TOGARAM2: variants seen among roughly 807,000 people sequenced by gnomAD.
The protein encoded by TOGARAM2 is TOG array regulator of axonemal microtubules protein 2.
TOGARAM2 carries 85 observed loss-of-function variants against 93.3 expected under a neutral mutation model. That is an observed-to-expected ratio of 0.91 (90% CI 0.76 to 1.09). The LOEUF (loss-of-function observed/expected upper bound fraction) is 1.09, where lower values mean the gene tolerates loss of function less well. TOGARAM2 is among the 50% of genes least tolerant of loss of function. TOGARAM2 has a pLI of 0.00. For synonymous variants in TOGARAM2, 593 were observed against 552.8 expected (o/e 1.07, Z -1.02); for missense variants, 1,277 against 1,334.5 (o/e 0.96, Z 0.67).
chr2:28,967,614 G>T (rs1671885230), intron 1 of TOGARAM2, among the ~76,000 whole-genome samples: 2 of 152,130 alleles, frequency 1.3e-5, no homozygotes, highest in Non-Finnish European at 2.9e-5. Context: ...GACCTAGCGT[G>T]ACTTTTCCTA....
intron 2 of TOGARAM2, 123 bp from the exon 3 acceptor site, chr2:28,998,020 G>T (rs143100162): frequency 0.012 from 7,269 of 609,918 alleles, 124 homozygotes; most frequent in Non-Finnish European, 9.5e-3. Context: ...ACATGCCTTG[G>T]TTTTTTGGGC....
intron 18 of TOGARAM2, among the ~76,000 whole-genome samples, chr2:29,038,364 G>A (rs943756584): frequency 2.6e-5 from 4 of 152,192 alleles, no homozygotes; most frequent in Admixed American, 2.0e-4. Context: ...ATAGGTCAGG[G>A]CTTAGGCTGG....
At chr2:29,022,417 C>A in intron 11 of TOGARAM2, 109 bp downstream of exon 11, 1 of 1,467,328 alleles carries the variant, frequency 6.8e-7, no homozygotes, top group Non-Finnish European at 9.2e-7. Flanking sequence ...GGTTCCAGCA[C>A]CATGGAGCAT....
At chr2:28,972,246 G>A (rs1671959812) in intron 1 of TOGARAM2, among the ~76,000 whole-genome samples, 2 of 152,064 alleles carry the variant, frequency 1.3e-5, no homozygotes. Flanking sequence ...GTGCCAGCAC[G>A]CGTGGCTAAT....
chr2:28,977,096 T>C (rs1672050252), upstream of TOGARAM2, among the ~76,000 whole-genome samples: 1 of 152,196 alleles, frequency 6.6e-6, no homozygotes, highest in South Asian at 2.1e-4. Context: ...ACACAGGGCA[T>C]CAGGGCTCTA....
At chr2:28,970,100 C>G (rs368193148) in intron 1 of TOGARAM2, among the ~76,000 whole-genome samples, 93 of 151,722 alleles carry the variant, frequency 6.1e-4, no homozygotes, top group Admixed American at 3.3e-4. Flanking sequence ...CATGAGCCAC[C>G]GTGCCCGACA....
At chr2:29,046,173 T>C (rs1666728750) in intron 19 of TOGARAM2, 1 of 152,422 alleles carries the variant, frequency 6.6e-6, no homozygotes, top group Non-Finnish European at 1.5e-5. Flanking sequence ...AAGCTTCAGC[T>C]GGTGAAGGGT....
chr2:29,049,151 C>G (rs1666932501), intron 19 of TOGARAM2: 1 of 151,788 alleles, frequency 6.6e-6, no homozygotes, highest in Admixed American at 6.6e-5. Flanking sequence ...AGGCGTGAGC[C>G]ACTGCGCCTG....
chr2:29,014,031 G>T (rs1664406444), intron 7 of TOGARAM2, among the ~76,000 whole-genome samples: 1 of 152,122 alleles, frequency 6.6e-6, no homozygotes, highest in Admixed American at 6.5e-5. Context: ...GGCCCATTTT[G>T]CTTTTTCTTT....
At chr2:28,989,594 T>C (rs1672622352) in intron 1 of TOGARAM2, among the ~76,000 whole-genome samples, 1 of 151,680 alleles carries the variant, frequency 6.6e-6, no homozygotes, top group Admixed American at 6.6e-5. Context: ...GATGAGGTTT[T>C]ACTGTGTTGC....
intron 1 of TOGARAM2, among the ~76,000 whole-genome samples, chr2:28,987,330 C>G (rs189851642): frequency 6.6e-5 from 10 of 152,240 alleles, no homozygotes; most frequent in African/African-American, 2.4e-4. Context: ...TGCTTTGTCA[C>G]CTAGGCTGGA....
intron 6 of TOGARAM2, among the ~76,000 whole-genome samples, chr2:29,005,500 C>A (rs1171710778): frequency 1.3e-5 from 1 of 75,964 alleles, no homozygotes; most frequent in Non-Finnish European, 2.9e-5. Context: ...TGTGTGAGTG[C>A]ATGTGTTTGT....
chr2:28,984,837 A>G (rs1025677226), intron 1 of TOGARAM2, among the ~76,000 whole-genome samples: 1 of 152,290 alleles, frequency 6.6e-6, no homozygotes, highest in Middle Eastern at 3.4e-3. Flanking sequence ...TTGGGAGCAC[A>G]CTACACAGGC....
intron 4 of TOGARAM2, among the ~76,000 whole-genome samples, chr2:29,001,577 C>T (rs569222396): frequency 5.8e-4 from 88 of 151,888 alleles, no homozygotes; most frequent in Non-Finnish European, 8.4e-4. Flanking sequence ...CTCGGCTCAC[C>T]GCAACCTCCA....
At chr2:29,024,469 A>T in intron 13 of TOGARAM2, 95 bp downstream of exon 13, 2 of 382,936 alleles carry the variant, frequency 5.2e-6, no homozygotes, top group Non-Finnish European at 5.4e-6. Context: ...GGAAGGGTGC[A>T]GGGAGGGAGG....
At chr2:29,049,094 T>G (rs937545116) in intron 19 of TOGARAM2, 13 of 151,870 alleles carry the variant, frequency 8.6e-5, no homozygotes, top group Middle Eastern at 6.8e-3. Context: ...CTTGAACTCC[T>G]GACCTCGTGA....
intron 14 of TOGARAM2, among the ~76,000 whole-genome samples, chr2:29,029,814 G>C (rs1458118420): frequency 5.3e-5 from 8 of 151,870 alleles, no homozygotes; most frequent in Admixed American, 4.6e-4. Context: ...TAGTGGCAAG[G>C]GGGTGAGGGA....
At chr2:29,024,399 G>T in intron 13 of TOGARAM2, 25 bp downstream of exon 13, 1 of 1,580,698 alleles carries the variant, frequency 6.3e-7, no homozygotes, top group Non-Finnish European at 8.6e-7. Flanking sequence ...GTTGTCTGAG[G>T]GGCGGGGAAG....
chr2:29,034,056 T>C (rs1390981495), intron 16 of TOGARAM2, among the ~76,000 whole-genome samples: 1 of 152,136 alleles, frequency 6.6e-6, no homozygotes, highest in Non-Finnish European at 1.5e-5. Flanking sequence ...TGCTTAAAAC[T>C]GAAGCCCTTC....
Sources: allele counts gnomAD v4.1 joint callset (sites outside exome capture counted in the v4.1 genomes callset), GRCh38; gene constraint gnomAD v4.1.1; transcripts MANE v1.5; gene names NCBI Gene and HGNC (gene_info 2026-07-23, HGNC 2026-07-21).